Variants in CLASP2 observed in about 807,000 individuals in gnomAD.
CLASP2 encodes the protein cytoplasmic linker associated protein 2, also known as CLIP-associating protein 2.
In CLASP2, 47 loss-of-function variants were observed where a neutral mutation model predicts 194.4. That is an observed-to-expected ratio of 0.24 (90% CI 0.19 to 0.31). CLASP2 has a LOEUF of 0.31. Among genes scored for constraint, CLASP2 ranks in the 10% least tolerant of loss-of-function variants. CLASP2 has a pLI of 1.00. For missense variants in CLASP2, 1,445 were observed against 1,823.6 expected, an observed-to-expected ratio of 0.79 and a Z score of 3.78; for synonymous variants, 619 against 633.5, an observed-to-expected ratio of 0.98 and a Z score of 0.34.
intron 8 of CLASP2, chr3:33,644,395 C>T (rs1451094835): frequency 3.7e-6 from 1 of 270,322 alleles, no homozygotes; most frequent in Admixed American, 4.9e-5. Flanking sequence ...TTACATAATT[C>T]AACATTTCTG....
At chr3:33,561,750 T>C (rs1488496821) in intron 27 of CLASP2, among the ~76,000 whole-genome samples, 1 of 152,188 alleles carries the variant, frequency 6.6e-6, no homozygotes, top group East Asian at 1.9e-4. Context: ...ATTAAAATAC[T>C]TATGAAAAGT....
chr3:33,659,344 C>T, intron 7 of CLASP2: 1 of 1,105,354 alleles, frequency 9.0e-7, no homozygotes, highest in Non-Finnish European at 1.1e-6. Context: ...TAAATGCCAT[C>T]CCGCTGGGGG....
At chr3:33,503,386 T>C (rs187094357) in intron 37 of CLASP2, 1 of 152,032 alleles carries the variant, frequency 6.6e-6, no homozygotes, top group Admixed American at 6.6e-5. Flanking sequence ...GGGAATAGAA[T>C]AGGTGGGTTA....
intron 23 of CLASP2, among the ~76,000 whole-genome samples, chr3:33,578,627 T>C (rs2065391792): frequency 1.3e-5 from 2 of 152,180 alleles, no homozygotes; most frequent in Non-Finnish European, 2.9e-5. Context: ...CTGGTATCAT[T>C]AGAAAAATAA....
At chr3:33,684,861 G>T (rs904332220) in intron 5 of CLASP2, among the ~76,000 whole-genome samples, 2 of 151,920 alleles carry the variant, frequency 1.3e-5, no homozygotes, top group African/African-American at 4.8e-5. Flanking sequence ...CATTAGCTGG[G>T]CATGGTGGCA....
At chr3:33,687,004 G>A (rs1189115978) in intron 5 of CLASP2, 56 bp downstream of exon 5, 1 of 1,001,896 alleles carries the variant, frequency 1.0e-6, no homozygotes, top group Non-Finnish European at 1.5e-6. Context: ...AAGAGGACTA[G>A]AAAAGAAATG....
rs11446264 is a variant in CLASP2, at chr3:33,499,352, C to CTT, written c.4435-637_4435-636dup. 1.8e-3 allele frequency among the ~76,000 whole-genome samples: 244 copies of CTT among 137,018 alleles called. 2 individuals carry two copies. Among genetic ancestry groups the CTT allele is most frequent in the South Asian group, 5.1e-3 (22 of 4,316 alleles). The allele number at this position is 137,018 out of a possible 152,430, so 89.9% of individuals were successfully genotyped here. Reference sequence around the variant, plus strand: ...ATGAATTACTCAGTCTAGGGCAGTTCTTTTTTTTTTTTTTTGAGATGGAGT... The same window carrying CTT: ...ATGAATTACTCAGTCTAGGGCAGTTCTTTTTTTTTTTTTTTTTGAGATGGAGT... On this transcript the variant is annotated intron_variant, in intron 38 of 38. Transcript: ENST00000682230.
intron 12 of CLASP2, among the ~76,000 whole-genome samples, chr3:33,614,564 T>C (rs1015724498): frequency 2.0e-5 from 3 of 152,226 alleles, no homozygotes; most frequent in African/African-American, 7.2e-5. Context: ...AAAGGGACTG[T>C]CTTACAAAAC....
intron 1 of CLASP2, among the ~76,000 whole-genome samples, chr3:33,716,635 A>C (rs1275340946): frequency 6.6e-6 from 1 of 152,208 alleles, no homozygotes; most frequent in East Asian, 1.9e-4. Context: ...GTTTCTTCCA[A>C]AGAAATAATC....
intron 29 of CLASP2, among the ~76,000 whole-genome samples, chr3:33,557,808 T>C (rs1261352935): frequency 6.6e-6 from 1 of 152,092 alleles, no homozygotes; most frequent in Non-Finnish European, 1.5e-5. Context: ...AAAACAACAT[T>C]ATATTGAGTG....
At chr3:33,696,722 T>C in intron 2 of CLASP2, 133 bp downstream of exon 2, 1 of 684,308 alleles carries the variant, frequency 1.5e-6, no homozygotes, top group South Asian at 1.7e-5. Flanking sequence ...TGCCTCGGCC[T>C]CCCAAAGTGC....
intron 1 of CLASP2, 90 bp downstream of exon 1, chr3:33,717,718 A>G (rs2093362544): frequency 7.2e-7 from 1 of 1,388,966 alleles, no homozygotes; most frequent in Non-Finnish European, 9.9e-7. Context: ...AGTGGTTCGG[A>G]CGGGAGCTTT....
At chr3:33,660,476 T>C (rs1449354381) in intron 7 of CLASP2, among the ~76,000 whole-genome samples, 3 of 152,222 alleles carry the variant, frequency 2.0e-5, no homozygotes, top group Non-Finnish European at 4.4e-5. Flanking sequence ...TATAAAAAAG[T>C]TATATCACCT....
chr3:33,498,544 G>T lies in CLASP2; in HGVS notation c.*87C>A. 2.4e-6 allele frequency: 2 copies of T among 820,916 alleles called. No homozygotes were observed. Among genetic ancestry groups the T allele is most frequent in the Non-Finnish European group, 4.0e-6 (2 of 496,588 alleles). 50.9% of individuals were successfully genotyped at this position (820,916 alleles called of 1,614,324 possible). On this transcript the variant is annotated 3_prime_UTR_variant, in exon 39 of 39. Coordinates refer to ENST00000682230, the MANE Select transcript of CLASP2 (RefSeq NM_001365631.1). ...CTGGGAAACAATAGTAAGTTCCAAA[G>T]GATGTGTTTGAGAACTTCCTTTCAT...
chr3:33,574,500 A>G, intron 24 of CLASP2: 1 of 1,506,476 alleles, frequency 6.6e-7, no homozygotes, highest in Non-Finnish European at 8.9e-7. Flanking sequence ...CTAAGAGCTG[A>G]GAGCAGTAAA....
chr3:33,565,231 T>C (rs2062490059), intron 27 of CLASP2, among the ~76,000 whole-genome samples: 1 of 152,120 alleles, frequency 6.6e-6, no homozygotes. Flanking sequence ...CAGGGTGGAG[T>C]GCACTGGTGC....
intron 7 of CLASP2, among the ~76,000 whole-genome samples, chr3:33,650,633 A>C (rs936457714): frequency 4.6e-5 from 7 of 152,008 alleles, no homozygotes; most frequent in African/African-American, 1.7e-4. Flanking sequence ...GAAATGGAGG[A>C]GGCAGGAGAG....
Position 33,688,340 on chromosome 3 carries a change from A to C in CLASP2, c.407T>G (p.Phe136Cys). The change falls in exon 4 of 39, where the codon TTT (phenylalanine) becomes TGT (cysteine). Residue 136 changes from phenylalanine to cysteine, a missense_variant. This residue lies in a region of CLASP2 where 332 missense variants were observed against 325.3 expected (regional missense o/e 1.02). Transcript: ENST00000682230. ...TCGAGATCGAAAATTCTTGTGTTTA[A>C]AACCAGAAGCCAACTGCTCCCAAAT... ...MYIWEQLASG[F>C]KHKNFRSREG... is the part of the protein sequence containing the mutation. 6.3e-7 allele frequency: 1 copy of C among 1,591,976 alleles called. No individual in the cohort carries two copies. The highest frequency in any genetic ancestry group is 8.6e-7 in the Non-Finnish European group (1 of 1,168,208).
chr3:33,586,508 T>G (rs1294849168), intron 21 of CLASP2, among the ~76,000 whole-genome samples: 1 of 152,136 alleles, frequency 6.6e-6, no homozygotes, highest in Non-Finnish European at 1.5e-5. Flanking sequence ...AGTAAAATCT[T>G]TTCAGAGACT....
Sources: gnomAD v4.1 joint callset for allele counts (sites outside exome capture counted in the v4.1 genomes callset) on GRCh38, gnomAD v4.1.1 for gene constraint, gnomAD v4.1.1 regional missense constraint, MANE v1.5 for transcripts, NCBI Gene and HGNC (gene_info 2026-07-23, HGNC 2026-07-21) for gene names.